Variants in SACS observed in about 807,000 individuals in gnomAD.
SACS encodes sacsin.
A neutral mutation model predicts 348.0 loss-of-function variants in SACS; 197 were observed. The ratio of observed to expected loss-of-function variants is 0.57; its 90% CI spans 0.50 to 0.64. The LOEUF (loss-of-function observed/expected upper bound fraction) is 0.64, where lower values mean the gene tolerates loss of function less well. SACS is among the 30% of genes least tolerant of loss of function. The probability of loss-of-function intolerance (pLI) is 0.00; values close to 1 mark genes in which losing one functional copy is unlikely to be tolerated. For synonymous variants in SACS, 1,985 were observed against 1,910.6 expected (o/e 1.04, Z -1.02); for missense variants, 4,999 against 5,360.8 (o/e 0.93, Z 2.11).
intron 1 of SACS, among the ~76,000 whole-genome samples, chr13:23,430,781 A>C (rs986371574): frequency 1.3e-5 from 2 of 152,242 alleles, no homozygotes; most frequent in African/African-American, 4.8e-5. Flanking sequence ...TGACAAACTC[A>C]TGGTGTAATC....
At chr13:23,353,541 A>G (rs779180422) in intron 9 of SACS, among the ~76,000 whole-genome samples, 1 of 152,242 alleles carries the variant, frequency 6.6e-6, no homozygotes, top group South Asian at 2.1e-4. Flanking sequence ...TGCAGGTATA[A>G]GATGTTGACT....
At chr13:23,347,833 G>A (rs1869707672) in intron 9 of SACS, among the ~76,000 whole-genome samples, 1 of 152,118 alleles carries the variant, frequency 6.6e-6, no homozygotes, top group African/African-American at 2.4e-5. Context: ...AGAACATGCT[G>A]TCCTCCAAAC....
chr13:23,330,496 A>T lies in SACS; in HGVS notation c.13380T>A (p.Ala4460=). ...WLRQARANFS[A]ARNDLHKNAN... is the part of the protein sequence containing the mutation. ...CATTTTTATGAAGGTCATTCCTGGC[A>T]GCTGAGAAGTTTGCTCTGGCTTGTC... Residue 4460 remains alanine (A), a synonymous_variant, in exon 10 of 10, where the codon GCT becomes GCA. Transcript: ENST00000382292. 9 of 1,614,232 alleles carry T rather than the reference A, an allele frequency of 5.6e-6. No homozygotes were observed. The highest frequency in any genetic ancestry group is 7.6e-6 in the Non-Finnish European group (9 of 1,180,034).
At chr13:23,382,141 GT>G (rs1354582992) in intron 2 of SACS, among the ~76,000 whole-genome samples, 2 of 152,154 alleles carry the variant, frequency 1.3e-5, no homozygotes, top group Non-Finnish European at 2.9e-5. Context: ...GTCAGCGGAG[GT>G]TTTTTTGCTT....
chr13:23,384,513 T>C (rs1872192537), intron 2 of SACS, among the ~76,000 whole-genome samples: 1 of 152,262 alleles, frequency 6.6e-6, no homozygotes, highest in African/African-American at 2.4e-5. Flanking sequence ...TGTGTTCATT[T>C]CTTTAATAAT....
chr13:23,388,602 A>G (rs1194620127), intron 2 of SACS, among the ~76,000 whole-genome samples: 2 of 151,508 alleles, frequency 1.3e-5, no homozygotes, highest in African/African-American at 4.8e-5. Context: ...ACTGGAGGTC[A>G]TTAATTCAAA....
chr13:23,347,748 G>C (rs1869699621), intron 9 of SACS, among the ~76,000 whole-genome samples: 1 of 152,178 alleles, frequency 6.6e-6, no homozygotes, highest in Non-Finnish European at 1.5e-5. Context: ...CACATGGGTT[G>C]CATGAAAGAT....
Position 23,334,561 on chromosome 13 carries a change from A to T in SACS, c.9315T>A (p.Phe3105Leu). Residue 3105 changes from phenylalanine (F) to leucine (L), a missense_variant, in exon 10 of 10, where the codon TTT becomes TTA. Coordinates refer to ENST00000382292, the MANE Select transcript of SACS (RefSeq NM_014363.6). ...PADIRSFLMT[F>L]SSPDTNCHIG... ...TATGGCAATTAGTGTCAGGAGAGGA[A>T]AATGTCATTAAAAAAGATCTGATAT... 1 of 1,613,584 alleles carries T rather than the reference A, an allele frequency of 6.2e-7. No individual in the cohort carries two copies. The highest frequency in any genetic ancestry group is 8.5e-7 in the Non-Finnish European group (1 of 1,179,748).
intron 5 of SACS, 73 bp from the exon 6 acceptor site, chr13:23,365,350 T>C: frequency 1.1e-6 from 1 of 882,026 alleles, no homozygotes; most frequent in Non-Finnish European, 1.7e-6. Flanking sequence ...TATTTATCTA[T>C]AATATTTAAG....
rs1870364101 is a variant in SACS at position 23,356,024 on chromosome 13, A to T, written c.605-17T>A. On this transcript the variant is annotated splice_polypyrimidine_tract_variant and intron_variant, in intron 7 of 9. Transcript: ENST00000382292. ...AAGGAACATCTGTAAAGAAAAATTT[A>T]AGTCATGATCAACTCTGAAATTTTA... 1 of 1,604,408 alleles carries T rather than the reference A, an allele frequency of 6.2e-7. No homozygotes were observed. The highest frequency in any genetic ancestry group is 1.7e-5 in the Admixed American group (1 of 59,316).
rs765802348 is a variant in SACS, at chr13:23,355,219, T to C, written c.1393A>G (p.Ser465Gly). Residue 465 changes from serine to glycine, a missense_variant, in exon 8 of 10, where the codon AGT becomes GGT. This residue lies in a region of SACS where 3,156 missense variants were observed against 3,380.1 expected (regional missense o/e 0.93). Transcript: ENST00000382292. ...ESSTGLPVHISGFFGLTDNRR... is the reference protein window; with the variant it reads ...ESSTGLPVHIGGFFGLTDNRR... ...TTATCAGTAAGGCCAAAGAACCCAC[T>C]GATGTGAACTGGGAGGCCTGTGCTG... 1 of 1,614,098 alleles carries C rather than the reference T, an allele frequency of 6.2e-7. No homozygotes were observed. The highest frequency in any genetic ancestry group is 1.7e-5 in the Admixed American group (1 of 60,014).
chr13:23,398,368 A>G (rs1015739737), intron 2 of SACS, among the ~76,000 whole-genome samples: 2 of 150,620 alleles, frequency 1.3e-5, no homozygotes, highest in Non-Finnish European at 3.0e-5. Flanking sequence ...CCCCATCTCT[A>G]CTAAAAATAT....
At position 23,332,040 on chromosome 13, in the gene SACS, G is replaced by C; in HGVS notation, c.11836C>G (p.Leu3946Val). 1 of 1,614,092 alleles carries C rather than the reference G, an allele frequency of 6.2e-7. No homozygotes were observed. Among genetic ancestry groups the C allele is most frequent in the Non-Finnish European group, 8.5e-7 (1 of 1,179,966 alleles). The stretch of plus-strand genomic sequence containing the variant: ...TCTTTCCCTAAGTAGCACTGGCTGA[G>C]ATCAACTAACATTTGCACACCAATA... ...GNIGVQMLVD[L>V]SQCYLGKDHG... The change falls in exon 10 of 10, where the codon CTC (leucine) becomes GTC (valine). Residue 3946 changes from leucine to valine, a missense_variant. Physicochemically the swap from Leu to Val is conservative, Grantham distance 32. Around this residue, in one of 6 missense-constraint regions of SACS, gnomAD observed 831 missense variants for 941.8 expected, o/e 0.88. Coordinates refer to ENST00000382292, the MANE Select transcript of SACS (RefSeq NM_014363.6).
intron 2 of SACS, among the ~76,000 whole-genome samples, chr13:23,407,681 A>T (rs1440009094): frequency 6.6e-6 from 1 of 152,196 alleles, no homozygotes; most frequent in Non-Finnish European, 1.5e-5. Context: ...AACAGGGGGA[A>T]CTAAAATAGA....
At chr13:23,379,007 T>C (rs1431268474) in intron 2 of SACS, among the ~76,000 whole-genome samples, 1 of 152,220 alleles carries the variant, frequency 6.6e-6, no homozygotes. Context: ...GTCTTCCAAC[T>C]CTTGCTACTC....
At chr13:23,362,805 CA>C (rs1434034733) in intron 6 of SACS, among the ~76,000 whole-genome samples, 3 of 152,060 alleles carry the variant, frequency 2.0e-5, no homozygotes, top group African/African-American at 4.8e-5. Flanking sequence ...AGGCTGGTTT[CA>C]AACTCCTGAC....
intron 1 of SACS, among the ~76,000 whole-genome samples, chr13:23,417,636 T>C (rs1437490461): frequency 1.3e-5 from 2 of 152,126 alleles, no homozygotes; most frequent in East Asian, 3.8e-4. Context: ...TTCTAGATGA[T>C]TAAGCACATA....
At position 23,353,831 on chromosome 13, in the gene SACS, C is replaced by T. The variant is rs749720485; in HGVS notation, c.2139G>A (p.Leu713=). The T allele has an allele frequency of 5.0e-6, 8 of 1,611,382 alleles. No homozygotes were observed. The East Asian group carries it at 1.3e-4, about 27-fold the overall frequency. ...TTAAAGCAGCCACAAGGTGAGGTTTCAAGTTATCCAAAATAAATCTTCCTT... is the reference window on the plus strand; with the variant it reads ...TTAAAGCAGCCACAAGGTGAGGTTTTAAGTTATCCAAAATAAATCTTCCTT... ...SLEGRFILDN[L]KPHLVAALKE... Residue 713 remains leucine, a synonymous_variant, in exon 9 of 10, where the codon TTG becomes TTA. Transcript: ENST00000382292.
chr13:23,408,801 T>TA (rs1461084920), intron 2 of SACS, among the ~76,000 whole-genome samples: 2 of 151,612 alleles, frequency 1.3e-5, no homozygotes, highest in African/African-American at 4.8e-5. Flanking sequence ...CCATCTCTAC[T>TA]AAAAATACAA....
Sources: allele counts gnomAD v4.1 joint callset (sites outside exome capture counted in the v4.1 genomes callset), GRCh38; gene constraint gnomAD v4.1.1; regional missense constraint gnomAD v4.1.1; transcripts MANE v1.5; gene names NCBI Gene and HGNC (gene_info 2026-07-23, HGNC 2026-07-21).